XKR4: variants seen among roughly 807,000 people sequenced by gnomAD.
XKR4 encodes the protein XK-related protein 4.
Under a neutral mutation model 53.9 loss-of-function variants are expected in XKR4, and 12 were observed. That is an observed-to-expected ratio of 0.22 (90% confidence interval 0.14 to 0.36). The LOEUF (loss-of-function observed/expected upper bound fraction) is 0.36. Ranked by LOEUF, XKR4 falls within the 10% of genes least tolerant of loss-of-function variation. XKR4 has a pLI of 1.00. For synonymous variants in XKR4, 354 were observed against 362.4 expected, an observed-to-expected ratio of 0.98 and a Z score of 0.26; for missense variants, 799 against 859.5, an observed-to-expected ratio of 0.93 and a Z score of 0.88.
At chr8:55,509,682 T>G (rs562323790) in intron 2 of XKR4, among the ~76,000 whole-genome samples, 3 of 152,234 alleles carry the variant, frequency 2.0e-5, no homozygotes, top group Non-Finnish European at 2.9e-5. Context: ...AAAGATTGGC[T>G]GGACTGGCTT....
At chr8:55,325,657 T>C (rs1235321213) in intron 1 of XKR4, among the ~76,000 whole-genome samples, 1 of 152,212 alleles carries the variant, frequency 6.6e-6, no homozygotes, top group Non-Finnish European at 1.5e-5. Flanking sequence ...TATTTTTTCT[T>C]TCCTAAATAA....
chr8:55,450,056 G>A lies in XKR4; in HGVS notation c.1007-73225G>A, dbSNP rs1237177587. 5.2e-6 allele frequency: 4 copies of A among 767,692 alleles called. No homozygotes were observed. The Admixed American group carries it at 7.4e-5, about 14-fold the overall frequency. The allele number at this position is 767,692 out of a possible 1,614,324, so 47.6% of individuals were successfully genotyped here. The stretch of plus-strand genomic sequence containing the variant: ...GAGCTAGGGGTGCCACGTCCATCTG[G>A]CCGGGCTTCAAGGCGCCATGCAGCC... On this transcript the variant is annotated intron_variant, in intron 2 of 2. Transcript: ENST00000327381.
intron 2 of XKR4, among the ~76,000 whole-genome samples, chr8:55,410,089 TAA>T (rs61035942): frequency 0.055 from 7,848 of 142,990 alleles, 369 homozygotes; most frequent in African/African-American, 0.14. Flanking sequence ...CATTTGCCTT[TAA>T]AAAAAAAAAA....
At chr8:55,286,968 T>C (rs992037951) in intron 1 of XKR4, among the ~76,000 whole-genome samples, 4 of 152,166 alleles carry the variant, frequency 2.6e-5, no homozygotes, top group African/African-American at 9.7e-5. Flanking sequence ...TTAATTCTAG[T>C]TATTCCATAC....
At chr8:55,454,355 G>C (rs981866612) in intron 2 of XKR4, 1 of 1,507,644 alleles carries the variant, frequency 6.6e-7, no homozygotes, top group East Asian at 2.3e-5. Context: ...CAGCTGGGCC[G>C]GCAGGATGGG....
chr8:55,322,475 A>G (rs1803230236), intron 1 of XKR4, among the ~76,000 whole-genome samples: 1 of 152,224 alleles, frequency 6.6e-6, no homozygotes, highest in African/African-American at 2.4e-5. Context: ...ATGTTCAAAC[A>G]TTTCTGTGGA....
At position 55,450,172 on chromosome 8, in the gene XKR4, G is replaced by GC. The variant is rs1353864448; in HGVS notation, c.1007-73108dup. The GC allele has an allele frequency of 1.0e-5, 7 of 670,172 alleles. No individual in the cohort carries two copies. The African/African-American group carries it at 1.2e-4, about 12-fold the overall frequency. The allele number at this position is 670,172 out of a possible 1,614,324, so 41.5% of individuals were successfully genotyped here. A position where few individuals can be genotyped will look rare whatever the true frequency, so the allele number is the denominator to read the frequency against. The stretch of plus-strand genomic sequence containing the variant: ...CAGGCGTGAGATGGCGTCAGGCTGG[G>GC]CTCGGGGGCAGCTGTGGTAGCAGGG... On this transcript the variant is annotated intron_variant, in intron 2 of 2. Transcript: ENST00000327381.
At chr8:55,359,271 T>C (rs541189321) in intron 2 of XKR4, among the ~76,000 whole-genome samples, 1 of 152,316 alleles carries the variant, frequency 6.6e-6, no homozygotes, top group African/African-American at 2.4e-5. Context: ...GCCTGGGCTC[T>C]GGCTGTCTCA....
At chr8:55,452,086 G>C (rs940250016) in intron 2 of XKR4, 4 of 704,174 alleles carry the variant, frequency 5.7e-6, no homozygotes, top group Non-Finnish European at 1.0e-5. Flanking sequence ...GGCTGGCCGG[G>C]TGTGTAGGTA....
chr8:55,190,325 C>T (rs556879530), intron 1 of XKR4, among the ~76,000 whole-genome samples: 1 of 152,278 alleles, frequency 6.6e-6, no homozygotes, highest in African/African-American at 2.4e-5. Context: ...TATAGTAAGA[C>T]AAGGGCAATA....
chr8:55,487,405 C>T (rs1806209169), intron 2 of XKR4, among the ~76,000 whole-genome samples: 1 of 151,460 alleles, frequency 6.6e-6, no homozygotes, highest in African/African-American at 2.4e-5. Flanking sequence ...CTAATTGCCT[C>T]TGGAAACACC....
rs548979237 is a variant in XKR4, at chr8:55,114,354, G to T, written c.806+11060G>T. ...TGTTGAGCATTTTTTTCATATGTCT[G>T]TTGGCTGCTTATATATCTTCTTTTG... On this transcript the variant is annotated intron_variant, in intron 1 of 2. Coordinates refer to ENST00000327381, the MANE Select transcript of XKR4 (RefSeq NM_052898.2). Among the ~76,000 whole-genome samples the T allele has an allele frequency of 5.9e-5, 9 of 152,156 alleles. No individual in the cohort carries two copies. In the South Asian group the frequency reaches 1.9e-3, roughly 32 times the overall value.
chr8:55,415,872 C>G lies in XKR4; in HGVS notation c.1006+57995C>G, dbSNP rs74832936. ...CACAACTCTTGACAGTCTTCTACTG[C>G]GGTGCCTGGCGTAAAGTAGCCTTAT... On this transcript the variant is annotated intron_variant, in intron 2 of 2. Transcript: ENST00000327381. 2.3e-3 allele frequency among the ~76,000 whole-genome samples: 353 copies of G among 152,272 alleles called. 5 individuals carry two copies. Among genetic ancestry groups the G allele is most frequent in the East Asian group, 9.6e-3 (50 of 5,182 alleles).
intron 2 of XKR4, among the ~76,000 whole-genome samples, chr8:55,365,351 G>T (rs1803963114): frequency 1.3e-5 from 2 of 152,210 alleles, no homozygotes; most frequent in African/African-American, 4.8e-5. Context: ...TTTGCTTTTT[G>T]TGATGATGTA....
chr8:55,345,057 G>A (rs1456559601), intron 1 of XKR4, among the ~76,000 whole-genome samples: 1 of 152,168 alleles, frequency 6.6e-6, no homozygotes, highest in Admixed American at 6.5e-5. Flanking sequence ...CATGGCAGGT[G>A]GATCACTTGA....
chr8:55,104,596 A>T (rs914583149), intron 1 of XKR4, among the ~76,000 whole-genome samples: 1 of 152,182 alleles, frequency 6.6e-6, no homozygotes, highest in South Asian at 2.1e-4. Flanking sequence ...AAGTGTGGTG[A>T]TTTCACAACC....
chr8:55,265,327 G>T (rs1818580862), intron 1 of XKR4, among the ~76,000 whole-genome samples: 1 of 152,158 alleles, frequency 6.6e-6, no homozygotes, highest in Non-Finnish European at 1.5e-5. Context: ...TCTGTTTCAG[G>T]GCTGAAGTCA....
At chr8:55,289,260 A>T (rs1818948441) in intron 1 of XKR4, among the ~76,000 whole-genome samples, 1 of 152,190 alleles carries the variant, frequency 6.6e-6, no homozygotes, top group East Asian at 1.9e-4. Flanking sequence ...TCACGCCTGC[A>T]ATCCCCAGCA....
intron 2 of XKR4, chr8:55,452,369 C>T (rs1052728666): frequency 1.6e-6 from 1 of 630,874 alleles, no homozygotes; most frequent in East Asian, 3.0e-5. Flanking sequence ...TGAGCATCCC[C>T]GTGAAGATGA....
Sources: allele counts gnomAD v4.1 joint callset (sites outside exome capture counted in the v4.1 genomes callset), GRCh38; gene constraint gnomAD v4.1.1; transcripts MANE v1.5; gene names NCBI Gene and HGNC (gene_info 2026-07-23, HGNC 2026-07-21).